RPL31: variants seen among roughly 807,000 people sequenced by gnomAD.
The protein encoded by RPL31 is ribosomal protein L31.
For missense variants in RPL31, 95 were observed against 164.0 expected (o/e 0.58, Z 2.30); for synonymous variants, 51 against 55.0 (o/e 0.93, Z 0.32).
chr2:101,011,951 T>C (rs913413128), downstream of RPL31, among the ~76,000 whole-genome samples: 2 of 152,242 alleles, frequency 1.3e-5, no homozygotes, highest in Non-Finnish European at 2.9e-5. Context: ...GTTAAACTTT[T>C]CAGGATAGTA....
At chr2:101,014,738 G>C (rs1679487185) in intron 4 of RPL31, among the ~76,000 whole-genome samples, 1 of 152,162 alleles carries the variant, frequency 6.6e-6, no homozygotes, top group African/African-American at 2.4e-5. Context: ...TTAAAAGCAA[G>C]AGCGTACAGA....
At chr2:101,002,662 G>A (rs1161181229) in intron 1 of RPL31, 40 bp from the exon 2 acceptor site, 1 of 1,535,242 alleles carries the variant, frequency 6.5e-7, no homozygotes, top group Non-Finnish European at 9.0e-7. Flanking sequence ...GCTTGAGCTT[G>A]TTAAACTCTG....
At chr2:101,004,465 C>T (rs1157707992) in intron 3 of RPL31, 182 bp downstream of exon 3, 1 of 608,018 alleles carries the variant, frequency 1.6e-6, no homozygotes, top group Admixed American at 3.3e-5. Context: ...AATTTAGTGG[C>T]TTATGAACTG....
chr2:101,017,110 C>G (rs1025998055), intron 4 of RPL31, among the ~76,000 whole-genome samples: 4 of 151,848 alleles, frequency 2.6e-5, no homozygotes, highest in South Asian at 4.2e-4. Context: ...GCACATTAGC[C>G]TAGGCCTACA....
downstream of RPL31, among the ~76,000 whole-genome samples, chr2:101,010,527 C>T (rs554229039): frequency 1.1e-4 from 17 of 151,992 alleles, no homozygotes; most frequent in African/African-American, 2.7e-4. Flanking sequence ...TATGATGTTC[C>T]GCTACCTGGA....
At chr2:101,009,499 G>T (rs1378728079), downstream of RPL31, among the ~76,000 whole-genome samples, 1 of 151,800 alleles carries the variant, frequency 6.6e-6, no homozygotes, top group Non-Finnish European at 1.5e-5. Context: ...AAGGAAACCT[G>T]AGTATGAACA....
chr2:101,011,416 T>G (rs1209655485), downstream of RPL31: 1 of 1,608,518 alleles, frequency 6.2e-7, no homozygotes, highest in Non-Finnish European at 8.5e-7. Context: ...TGCAGTGGTA[T>G]GCAGGGGAAA....
intron 4 of RPL31, among the ~76,000 whole-genome samples, chr2:101,012,625 CAA>C (rs71378138): frequency 0.26 from 35,206 of 135,108 alleles, 4,694 homozygotes; most frequent in South Asian, 0.39. Flanking sequence ...TCTGAATATA[CAA>C]AAAAAAAAAA....
intron 4 of RPL31, 97 bp downstream of exon 4, chr2:101,006,168 G>A (rs775290071): frequency 7.3e-5 from 111 of 1,530,070 alleles, no homozygotes; most frequent in Middle Eastern, 1.7e-4. Flanking sequence ...GGTGACACAC[G>A]TCATTGTACC....
chr2:101,009,274 C>T (rs537223741), downstream of RPL31, among the ~76,000 whole-genome samples: 20 of 151,996 alleles, frequency 1.3e-4, no homozygotes, highest in African/African-American at 4.1e-4. Flanking sequence ...GGCTTGGTGG[C>T]GGGCGCCTGT....
downstream of RPL31, chr2:101,011,489 A>G (rs748358702): frequency 1.2e-6 from 2 of 1,613,852 alleles, no homozygotes; most frequent in Non-Finnish European, 1.7e-6. Flanking sequence ...CGATGTTGAC[A>G]ACAGAGGATT....
downstream of RPL31, chr2:101,011,392 G>A: frequency 6.4e-7 from 1 of 1,559,356 alleles, no homozygotes; most frequent in Non-Finnish European, 8.8e-7. Flanking sequence ...GGCAACCCCG[G>A]TGCCTCCCGC....
intron 4 of RPL31, chr2:101,018,898 A>T: frequency 6.8e-7 from 1 of 1,473,046 alleles, no homozygotes. Flanking sequence ...AGGTTTATCA[A>T]TCTGCAGTGA....
chr2:101,002,868 A>G (rs2105347467), intron 2 of RPL31, 60 bp downstream of exon 2: 2 of 1,233,258 alleles, frequency 1.6e-6, no homozygotes, highest in Non-Finnish European at 2.4e-6. Context: ...TTACCGAGAG[A>G]TGTGCCGAAT....
downstream of RPL31, chr2:101,007,898 T>G (rs750820193): frequency 2.5e-6 from 4 of 1,613,918 alleles, no homozygotes; most frequent in African/African-American, 4.0e-5. Flanking sequence ...TGATTGATCT[T>G]GGCATTTTCA....
At chr2:101,017,713 TG>T in intron 4 of RPL31, 2 of 799,366 alleles carry the variant, frequency 2.5e-6, no homozygotes, top group Non-Finnish European at 4.0e-6. Context: ...CAGATATCCA[TG>T]GTACATCACT....
chr2:101,016,242 C>T (rs1308178748), intron 4 of RPL31, among the ~76,000 whole-genome samples: 17 of 152,188 alleles, frequency 1.1e-4, no homozygotes, highest in Non-Finnish European at 1.6e-4. Context: ...AAACAAACAA[C>T]GCCATCAAAA....
chr2:101,008,367 CAG>C, downstream of RPL31: 1 of 1,015,872 alleles, frequency 9.8e-7, no homozygotes, highest in Non-Finnish European at 1.4e-6. Context: ...GAAAACGACA[CAG>C]TATTTTTGAA....
At chr2:101,015,959 C>G (rs1679603575) in intron 4 of RPL31, among the ~76,000 whole-genome samples, 1 of 151,764 alleles carries the variant, frequency 6.6e-6, no homozygotes, top group Non-Finnish European at 1.5e-5. Flanking sequence ...AGACCTAAAA[C>G]CATAAAAACC....
Sources: gnomAD v4.1 joint callset for allele counts (sites outside exome capture counted in the v4.1 genomes callset) on GRCh38, gnomAD v4.1.1 for gene constraint, MANE v1.5 for transcripts, NCBI Gene and HGNC (gene_info 2026-07-23, HGNC 2026-07-21) for gene names.